The following AXL variants were observed in gnomAD, a reference collection of about 807,000 sequenced individuals.
AXL encodes the protein tyrosine-protein kinase receptor UFO.
In AXL, 52 loss-of-function variants were observed where a neutral mutation model predicts 104.5. The ratio of observed to expected loss-of-function variants is 0.50; its 90% CI spans 0.40 to 0.63. The LOEUF is 0.63. AXL is among the 20% of genes least tolerant of loss of function. The probability of loss-of-function intolerance (pLI) is 0.00; values close to 1 mark genes in which losing one functional copy is unlikely to be tolerated. For missense variants in AXL, 1,024 were observed against 1,188.5 expected (o/e 0.86, Z 2.04); for synonymous variants, 455 against 473.7 (o/e 0.96, Z 0.51).
At chr19:41,231,943 C>CA (rs200033868) in intron 6 of AXL, among the ~76,000 whole-genome samples, 14,495 of 135,320 alleles carry the variant, frequency 0.11, 836 homozygotes, top group South Asian at 0.14. Context: ...AAAAAAGAAA[C>CA]AACAACAAAA....
At chr19:41,226,770 A>C in intron 4 of AXL, 1 of 985,784 alleles carries the variant, frequency 1.0e-6, no homozygotes, top group Non-Finnish European at 1.2e-6. Context: ...ACGCGTAAAC[A>C]ACACGCAGAA....
In AXL at chr19:41,223,738, C is replaced by A. The variant is rs554252656; in HGVS notation, c.586+1682C>A. Among the ~76,000 whole-genome samples, 3 of 152,044 alleles carry A rather than the reference C, an allele frequency of 2.0e-5. No individual in the cohort carries two copies. The East Asian group carries it at 5.8e-4, about 29-fold the overall frequency. On this transcript the variant is annotated intron_variant, in intron 4 of 19. Coordinates refer to ENST00000301178, the MANE Select transcript of AXL (RefSeq NM_021913.5). ...CATGGCTCGAGTGGCTGAGTAGGGA[C>A]CAGGGTTGGGGATCGGGCATGAGTC...
At position 41,253,726 on chromosome 19, in the gene AXL, A is replaced by ACCC. The variant is rs68001077; in HGVS notation, c.2036+28_2036+30dup. 12 of 1,384,008 alleles carry ACCC rather than the reference A, an allele frequency of 8.7e-6. No homozygotes were observed. Among genetic ancestry groups the ACCC allele is most frequent in the African/African-American group, 3.3e-5 (2 of 60,896 alleles). 85.7% of individuals were successfully genotyped at this position (1,384,008 alleles called of 1,614,324 possible). On this transcript the variant is annotated intron_variant, in intron 17 of 19. Transcript: ENST00000301178. ...AACTGCATGTGAGTGCCTTTCAGGG[A>ACCC]CCCCCCCCCCCCAACTGCTCCTGCA...
rs1012902482 is a variant in AXL at position 41,259,923 on chromosome 19, A to T, written c.*19A>T. On this transcript the variant is annotated 3_prime_UTR_variant, in exon 20 of 20. Transcript: ENST00000301178. Reference sequence around the variant, plus strand: ...TGCCTGAGACAACCCTCCACCTGGTACTCCCTCTCAGGATCCAAGCTAAGC... The same window carrying T: ...TGCCTGAGACAACCCTCCACCTGGTTCTCCCTCTCAGGATCCAAGCTAAGC... The T allele has an allele frequency of 1.0e-5, 16 of 1,528,840 alleles. No homozygotes were observed. Among genetic ancestry groups the T allele is most frequent in the Non-Finnish European group, 1.4e-5 (16 of 1,135,514 alleles). 94.7% of individuals were successfully genotyped at this position (1,528,840 alleles called of 1,614,324 possible).
intron 18 of AXL, among the ~76,000 whole-genome samples, chr19:41,257,130 G>A (rs2034465372): frequency 6.6e-6 from 1 of 152,112 alleles, no homozygotes; most frequent in Non-Finnish European, 1.5e-5. Flanking sequence ...TGCAGACTCT[G>A]CCTCCCGGGT....
Position 41,253,714 on chromosome 19 carries a change from T to A in AXL, c.2036+6T>A, listed in dbSNP as rs774352410. On this transcript the variant is annotated splice_donor_region_variant and intron_variant, in intron 17 of 19. Transcript: ENST00000301178. ...CTGGCGGCCAGGAACTGCATGTGAG[T>A]GCCTTTCAGGGACCCCCCCCCCCCA... is the stretch of plus-strand genomic sequence containing the variant. The A allele has an allele frequency of 6.4e-7, 1 of 1,573,972 alleles. No individual in the cohort carries two copies.
intron 11 of AXL, 86 bp downstream of exon 11, chr19:41,243,101 G>A (rs879218574): frequency 2.5e-6 from 4 of 1,579,534 alleles, no homozygotes; most frequent in South Asian, 2.2e-5. Flanking sequence ...TGGTGCAGGA[G>A]GAGTGATGAC....
intron 19 of AXL, among the ~76,000 whole-genome samples, chr19:41,257,864 G>T (rs886641703): frequency 6.6e-6 from 1 of 152,176 alleles, no homozygotes. Flanking sequence ...CAGCCCCCTG[G>T]CTCCCCACCC....
At chr19:41,232,917 T>A (rs569252085) in intron 6 of AXL, among the ~76,000 whole-genome samples, 8 of 152,270 alleles carry the variant, frequency 5.3e-5, no homozygotes, top group African/African-American at 1.4e-4. Flanking sequence ...CTCAGAGTGG[T>A]TAACCAGATT....
chr19:41,237,801 C>T (rs1303905683), intron 6 of AXL, 143 bp from the exon 7 acceptor site: 8 of 751,342 alleles, frequency 1.1e-5, no homozygotes, highest in South Asian at 6.4e-5. Flanking sequence ...TCCAGGTGCC[C>T]GTGTTATCCT....
intron 10 of AXL, 52 bp from the exon 11 acceptor site, chr19:41,242,831 A>G (rs2122246639): frequency 1.2e-6 from 2 of 1,607,810 alleles, no homozygotes; most frequent in Non-Finnish European, 1.7e-6. Flanking sequence ...TGGGTCCCAG[A>G]GAGCTGGATC....
chr19:41,222,496 C>T (rs900993271), intron 4 of AXL, among the ~76,000 whole-genome samples: 3 of 152,184 alleles, frequency 2.0e-5, no homozygotes, highest in African/African-American at 4.8e-5. Flanking sequence ...CTCCGCCTCC[C>T]TCCACAACCG....
At chr19:41,220,243 TC>T (rs757348941) in intron 1 of AXL, among the ~76,000 whole-genome samples, 34 of 101,284 alleles carry the variant, frequency 3.4e-4, no homozygotes, top group Non-Finnish European at 5.3e-4. Flanking sequence ...CACCCTTATC[TC>T]CCCCCACCAC....
intron 1 of AXL, 64 bp from the exon 2 acceptor site, chr19:41,220,572 G>A: frequency 7.0e-7 from 1 of 1,428,078 alleles, no homozygotes; most frequent in Non-Finnish European, 9.6e-7. Context: ...CAAGGACAGG[G>A]TGGAACTGAG....
chr19:41,261,543 CCTT>C lies in AXL; in HGVS notation c.*1643_*1645del, dbSNP rs1002517601. On this transcript the variant is annotated 3_prime_UTR_variant, in exon 20 of 20. Transcript: ENST00000301178. ...GTAGTATTCTTTGGGGTGCCCCTCT[CCTT>C]CTTAGCTATCATTGCTTCCTCCTCC... The C allele has an allele frequency of 9.2e-5, 14 of 152,676 alleles. No individual in the cohort carries two copies. The highest frequency in any genetic ancestry group is 3.1e-4 in the African/African-American group (13 of 41,590). 9.5% of individuals were successfully genotyped at this position (152,676 alleles called of 1,614,324 possible).
Position 41,221,217 on chromosome 19 carries a change from T to C in AXL, c.380T>C (p.Val127Ala), listed in dbSNP as rs1405215989. 1.2e-6 allele frequency: 2 copies of C among 1,613,832 alleles called. No homozygotes were observed. Among genetic ancestry groups the C allele is most frequent in the East Asian group, 2.2e-5 (1 of 44,870 alleles). ...GTGTTTCTGGGACATCAGACCTTCGTGTCCCAGCCTGGCTATGTTGGGCTG... is the reference window on the plus strand; with the variant it reads ...GTGTTTCTGGGACATCAGACCTTCGCGTCCCAGCCTGGCTATGTTGGGCTG... Reference protein sequence around the residue: ...CLVFLGHQTFVSQPGYVGLEG... With the variant: ...CLVFLGHQTFASQPGYVGLEG... Residue 127 changes from valine (V) to alanine (A), a missense_variant, in exon 3 of 20, where the codon GTG becomes GCG. Physicochemically the swap from Val to Ala is moderately conservative, Grantham distance 64. Around this residue, in one of 5 missense-constraint regions of AXL, gnomAD observed 41 missense variants for 76.2 expected, o/e 0.54. Coordinates refer to ENST00000301178, the MANE Select transcript of AXL (RefSeq NM_021913.5).
At chr19:41,231,922 G>T (rs1347550696) in intron 6 of AXL, among the ~76,000 whole-genome samples, 1 of 119,712 alleles carries the variant, frequency 8.4e-6, no homozygotes, top group Non-Finnish European at 1.7e-5. Flanking sequence ...GCGAGACTCT[G>T]TCTCAAAAAA....
At chr19:41,239,874 C>G (rs748245795) in intron 10 of AXL, among the ~76,000 whole-genome samples, 154 bp downstream of exon 10, 1 of 152,148 alleles carries the variant, frequency 6.6e-6, no homozygotes, top group African/African-American at 2.4e-5. Flanking sequence ...GATGGAGGTG[C>G]CTATAATGGC....
At chr19:41,251,116 C>T (rs954269145) in intron 14 of AXL, among the ~76,000 whole-genome samples, 9 of 152,200 alleles carry the variant, frequency 5.9e-5, no homozygotes, top group African/African-American at 2.2e-4. Flanking sequence ...GACTCCTAAC[C>T]TTTTTGTGCC....
Sources: gnomAD v4.1 joint callset for allele counts (sites outside exome capture counted in the v4.1 genomes callset) on GRCh38, gnomAD v4.1.1 for gene constraint, gnomAD v4.1.1 regional missense constraint, MANE v1.5 for transcripts, NCBI Gene and HGNC (gene_info 2026-07-23, HGNC 2026-07-21) for gene names.